Variants in SP3 observed in about 807,000 individuals in gnomAD.
SP3 encodes the protein transcription factor Sp3.
A neutral mutation model predicts 70.3 loss-of-function variants in SP3; 10 were observed. That is an observed-to-expected ratio of 0.14 (90% CI 0.09 to 0.24). The LOEUF (loss-of-function observed/expected upper bound fraction) is 0.24, where lower values mean the gene tolerates loss of function less well. Among genes scored for constraint, SP3 ranks in the 10% least tolerant of loss-of-function variants. SP3 has a pLI of 1.00. For synonymous variants in SP3, 402 were observed against 333.5 expected, an observed-to-expected ratio of 1.21 and a Z score of -2.24; for missense variants, 825 against 914.6, an observed-to-expected ratio of 0.90 and a Z score of 1.26.
At chr2:173,960,969 C>T (rs1691053957) in intron 3 of SP3, among the ~76,000 whole-genome samples, 1 of 151,998 alleles carries the variant, frequency 6.6e-6, no homozygotes, top group South Asian at 2.1e-4. Flanking sequence ...GAGTGAGACT[C>T]TGTCTCAAAA....
At chr2:173,945,632 T>C (rs1690514872) in intron 4 of SP3, among the ~76,000 whole-genome samples, 1 of 152,170 alleles carries the variant, frequency 6.6e-6, no homozygotes, top group African/African-American at 2.4e-5. Flanking sequence ...ATGTTCAACT[T>C]CCTTAATAAA....
chr2:173,918,826 A>G (rs764816909), intron 4 of SP3, 41 bp from the exon 5 acceptor site: 2 of 1,535,658 alleles, frequency 1.3e-6, no homozygotes, highest in Admixed American at 2.0e-5. Flanking sequence ...AGAAGCAACC[A>G]AATGGCCCAA....
chr2:173,964,278 G>GGGGGA, intron 2 of SP3, 127 bp downstream of exon 2: 3 of 519,814 alleles, frequency 5.8e-6, no homozygotes, highest in South Asian at 2.4e-5. Flanking sequence ...TCCCGGGGCG[G>GGGGGA]GGGGAGGGGA....
At chr2:173,949,348 T>C (rs1008856114) in intron 4 of SP3, among the ~76,000 whole-genome samples, 44 of 148,764 alleles carry the variant, frequency 3.0e-4, no homozygotes, top group Non-Finnish European at 7.4e-5. Flanking sequence ...TCAAGGCTAG[T>C]ATTTTACCCT....
intron 3 of SP3, among the ~76,000 whole-genome samples, chr2:173,956,782 A>G (rs981318267): frequency 2.0e-5 from 3 of 152,182 alleles, no homozygotes; most frequent in African/African-American, 4.8e-5. Flanking sequence ...AAAAACAAAG[A>G]CCTTAAAAAA....
chr2:173,905,868 G>A lies in SP3; in HGVS notation c.*4073C>T, dbSNP rs992253066. Among the ~76,000 whole-genome samples the A allele has an allele frequency of 3.2e-4, 48 of 152,138 alleles. No individual in the cohort carries two copies. Among genetic ancestry groups the A allele is most frequent in the Non-Finnish European group, 1.2e-4 (8 of 68,016 alleles). ...ATTAAAATTAACTGAGCATGGTGGT[G>A]TGCACCTGTGGTCCAAGCTACTTAA... is the stretch of plus-strand genomic sequence containing the variant. On this transcript the variant is annotated 3_prime_UTR_variant, in exon 7 of 7. Coordinates refer to ENST00000310015, the MANE Select transcript of SP3 (RefSeq NM_003111.5).
intron 1 of SP3, 173 bp downstream of exon 1, chr2:173,964,992 C>G (rs1691246021): frequency 1.2e-6 from 1 of 814,108 alleles, no homozygotes. Context: ...CGGGGGTGGA[C>G]GGTGGCTGGC....
chr2:173,938,739 T>C (rs1690278822), intron 4 of SP3, among the ~76,000 whole-genome samples: 2 of 152,094 alleles, frequency 1.3e-5, no homozygotes, highest in South Asian at 2.1e-4. Flanking sequence ...TAAGGCAGTA[T>C]CTGGGCTAAG....
At chr2:173,911,733 A>G (rs777407860) in intron 6 of SP3, among the ~76,000 whole-genome samples, 3 of 151,392 alleles carry the variant, frequency 2.0e-5, no homozygotes, top group African/African-American at 2.4e-5. Flanking sequence ...ATTATCCCAT[A>G]CTTTACTATC....
Position 173,955,247 on chromosome 2 carries a change from T to C in SP3, c.1265A>G (p.His422Arg), listed in dbSNP as rs1204987626. 3.1e-6 allele frequency: 5 copies of C among 1,614,054 alleles called. No individual in the cohort carries two copies. Among genetic ancestry groups the C allele is most frequent in the African/African-American group, 2.7e-5 (2 of 74,942 alleles). Residue 422 changes from histidine to arginine, a missense_variant, in exon 4 of 7, where the codon CAT becomes CGT. His to Arg is a conservative substitution (Grantham distance 29, BLOSUM62 0). Around this residue, in one of 4 missense-constraint regions of SP3, gnomAD observed 678 missense variants for 651.6 expected, o/e 1.04. Coordinates refer to ENST00000310015, the MANE Select transcript of SP3 (RefSeq NM_003111.5). ...IVQGITPQTI[H>R]GVQASGQNIS... ...ATTTTGACCACTGGCTTGCACACCA[T>C]GGATTGTCTGTGGTGTAATACCTTG...
chr2:173,923,603 CATT>C (rs893191877), intron 4 of SP3, among the ~76,000 whole-genome samples: 9 of 152,056 alleles, frequency 5.9e-5, no homozygotes, highest in African/African-American at 1.9e-4. Context: ...AAATAGCTAA[CATT>C]AGATAAATAT....
intron 3 of SP3, among the ~76,000 whole-genome samples, chr2:173,962,776 A>G (rs978658979): frequency 6.6e-6 from 1 of 152,120 alleles, no homozygotes; most frequent in Admixed American, 6.5e-5. Flanking sequence ...ACACACACAC[A>G]CTCAAATGAG....
rs1558909998 is a variant in SP3 at position 173,964,473 on chromosome 2, GGCCGCCGCCGCCGCCACC to G, written c.70_87del (p.Gly24_Gly29del). 11 of 707,910 alleles carry G rather than the reference GGCCGCCGCCGCCGCCACC, an allele frequency of 1.6e-5. No individual in the cohort carries two copies. Among genetic ancestry groups the G allele is most frequent in the Middle Eastern group, 2.5e-4 (1 of 3,956 alleles). The allele number at this position is 707,910 out of a possible 1,614,324, so 43.9% of individuals were successfully genotyped here. Reference sequence around the variant, plus strand: ...TGCTGCTGCTGCAGATACTCGCCGTGGCCGCCGCCGCCGCCACCGCCGCCGCCGCTATCCACGTCCAAG... The same window carrying G: ...TGCTGCTGCTGCAGATACTCGCCGTGGCCGCCGCCGCTATCCACGTCCAAG... On this transcript the variant is annotated inframe_deletion, in exon 2 of 7. Transcript: ENST00000310015.
At position 173,906,561 on chromosome 2, in the gene SP3, G is replaced by GT. The variant is rs1559085968; in HGVS notation, c.*3379dup. 1 of 152,162 alleles carries GT rather than the reference G, an allele frequency of 6.6e-6. No individual in the cohort carries two copies. The highest frequency in any genetic ancestry group is 1.5e-5 in the Non-Finnish European group (1 of 68,022). 9.4% of individuals were successfully genotyped at this position (152,162 alleles called of 1,614,324 possible). A position where few individuals can be genotyped will look rare whatever the true frequency, so the allele number is the denominator to read the frequency against. ...AACTGAAAACCAAATTGTGTAACAG[G>GT]TAGCATAACATGTCAGTTTATATTA... is the stretch of plus-strand genomic sequence containing the variant. On this transcript the variant is annotated 3_prime_UTR_variant, in exon 7 of 7. Transcript: ENST00000310015.
chr2:173,933,263 T>C (rs1418901660), intron 4 of SP3, among the ~76,000 whole-genome samples: 1 of 152,118 alleles, frequency 6.6e-6, no homozygotes, highest in African/African-American at 2.4e-5. Flanking sequence ...CTATTTTTTA[T>C]ACTAAAACTT....
Position 173,965,314 on chromosome 2 carries a change from T to G in SP3, c.-143A>C. The G allele has an allele frequency of 1.0e-6, 1 of 969,662 alleles. No individual in the cohort carries two copies. Among genetic ancestry groups the G allele is most frequent in the Non-Finnish European group, 1.6e-6 (1 of 641,850 alleles). The allele number at this position is 969,662 out of a possible 1,614,324, so 60.1% of individuals were successfully genotyped here. A position where few individuals can be genotyped will look rare whatever the true frequency, so the allele number is the denominator to read the frequency against. ...GGGGATTTTTTTTTCCTATTTTGAT[T>G]GACTGTGCGGGAAACACAAAAGGTG... On this transcript the variant is annotated 5_prime_UTR_variant, in exon 1 of 7. Coordinates refer to ENST00000310015, the MANE Select transcript of SP3 (RefSeq NM_003111.5).
chr2:173,950,097 G>A (rs1690668335), intron 4 of SP3, among the ~76,000 whole-genome samples: 1 of 152,094 alleles, frequency 6.6e-6, no homozygotes, highest in South Asian at 2.1e-4. Context: ...CAAATGGACA[G>A]AAATATGTAA....
At chr2:173,940,837 A>G (rs978896116) in intron 4 of SP3, among the ~76,000 whole-genome samples, 4 of 152,200 alleles carry the variant, frequency 2.6e-5, no homozygotes, top group African/African-American at 7.2e-5. Context: ...ACAAAAGGAA[A>G]TAAGGAATAA....
intron 4 of SP3, among the ~76,000 whole-genome samples, chr2:173,934,234 T>A (rs1170999538): frequency 6.7e-6 from 1 of 148,858 alleles, no homozygotes; most frequent in Non-Finnish European, 1.5e-5. Flanking sequence ...AGAACTTGTC[T>A]CTAAAAAAAA....
Sources: allele counts gnomAD v4.1 joint callset (sites outside exome capture counted in the v4.1 genomes callset), GRCh38; gene constraint gnomAD v4.1.1; regional missense constraint gnomAD v4.1.1; transcripts MANE v1.5; gene names NCBI Gene and HGNC (gene_info 2026-07-23, HGNC 2026-07-21).